The following SLCO6A1 variants were observed in gnomAD, a reference collection of about 807,000 sequenced individuals.
SLCO6A1 encodes the protein cancer/testis antigen 48.
Under a neutral mutation model 72.7 loss-of-function variants are expected in SLCO6A1, and 65 were observed. The ratio of observed to expected loss-of-function variants is 0.89; its 90% CI spans 0.73 to 1.10. SLCO6A1 has a LOEUF of 1.10. SLCO6A1 is among the 50% of genes least tolerant of loss of function. The pLI, the probability that SLCO6A1 is intolerant of heterozygous loss-of-function variation, is 0.00. For synonymous variants in SLCO6A1, 314 were observed against 298.2 expected, an observed-to-expected ratio of 1.05 and a Z score of -0.55; for missense variants, 874 against 872.6, an observed-to-expected ratio of 1.00 and a Z score of -0.02.
intron 5 of SLCO6A1, 64 bp downstream of exon 5, chr5:102,459,592 G>C: frequency 6.8e-7 from 1 of 1,474,568 alleles, no homozygotes; most frequent in Non-Finnish European, 9.0e-7. Context: ...CATTCTATGA[G>C]AATAAGAACC....
At chr5:102,488,744 T>G (rs1752547986) in intron 1 of SLCO6A1, among the ~76,000 whole-genome samples, 1 of 152,210 alleles carries the variant, frequency 6.6e-6, no homozygotes, top group Non-Finnish European at 1.5e-5. Flanking sequence ...ATATTTGCAC[T>G]GGCAACAAGG....
chr5:102,498,560 G>T lies in SLCO6A1; in HGVS notation c.285C>A (p.Val95=). The T allele has an allele frequency of 6.2e-7, 1 of 1,614,230 alleles. No individual in the cohort carries two copies. Among genetic ancestry groups the T allele is most frequent in the South Asian group, 1.1e-5 (1 of 91,082 alleles). The change falls in exon 1 of 14, where the codon GTC becomes GTA. Residue 95 remains valine, a synonymous_variant. Transcript: ENST00000506729. ...LEQPCGLGCL[V]STCCECCNNI... ...TATTGCAACACTCACAGCAGGTGCT[G>T]ACTAAGCAGCCCAAACCACAGGGCT...
rs764665477 is a variant in SLCO6A1 at position 102,480,151 on chromosome 5, T to C, written c.616+26A>G. 7.7e-6 allele frequency: 12 copies of C among 1,567,994 alleles called. No homozygotes were observed. In the African/African-American group the frequency reaches 8.2e-5, roughly 11 times the overall value. On this transcript the variant is annotated intron_variant, in intron 2 of 13. Transcript: ENST00000506729. ...GGTTTGAATGAATATTGATTTGATG[T>C]ATGACAGTATATTTTAAAACCTTAC...
At chr5:102,450,368 T>C (rs1425354312) in intron 6 of SLCO6A1, among the ~76,000 whole-genome samples, 2 of 152,244 alleles carry the variant, frequency 1.3e-5, no homozygotes, top group Admixed American at 1.3e-4. Flanking sequence ...AGAATTCCTG[T>C]GCTTGGTTTC....
intron 9 of SLCO6A1, among the ~76,000 whole-genome samples, chr5:102,402,870 A>G (rs1490028114): frequency 6.6e-6 from 1 of 152,148 alleles, no homozygotes; most frequent in East Asian, 1.9e-4. Flanking sequence ...ACTTTTGCAA[A>G]TGGCTTGCAA....
At chr5:102,394,668 C>A (rs938072404) in intron 10 of SLCO6A1, among the ~76,000 whole-genome samples, 1 of 151,706 alleles carries the variant, frequency 6.6e-6, no homozygotes, top group African/African-American at 2.4e-5. Context: ...TCTATGTTTA[C>A]ATGAAAAAAG....
intron 2 of SLCO6A1, 87 bp from the exon 3 acceptor site, chr5:102,477,948 G>A (rs1475197608): frequency 1.5e-6 from 2 of 1,296,112 alleles, no homozygotes; most frequent in African/African-American, 3.0e-5. Flanking sequence ...TATTTTACAA[G>A]CTATTTCCAA....
Position 102,498,653 on chromosome 5 carries a change from G to A in SLCO6A1, c.192C>T (p.Phe64=), listed in dbSNP as rs773316371. 1 of 1,614,164 alleles carries A rather than the reference G, an allele frequency of 6.2e-7. No individual in the cohort carries two copies. Among genetic ancestry groups the A allele is most frequent in the Non-Finnish European group, 8.5e-7 (1 of 1,180,008 alleles). The change falls in exon 1 of 14, where the codon TTC becomes TTT. Residue 64 remains phenylalanine (F), a synonymous_variant. Coordinates refer to ENST00000506729, the MANE Select transcript of SLCO6A1 (RefSeq NM_173488.5). ...LPEALIRFGG[F]RKRKKAKSSV... ...AGGACTTGGCTTTTTTCCTTTTTCG[G>A]AAACCGCCGAACCTTATCAAGGCCT...
intron 8 of SLCO6A1, 88 bp from the exon 9 acceptor site, chr5:102,413,231 T>C: frequency 6.3e-6 from 8 of 1,270,784 alleles, no homozygotes; most frequent in Non-Finnish European, 8.6e-6. Flanking sequence ...ATCCATAAAA[T>C]ATGCTTATTG....
chr5:102,467,567 C>G (rs2134454), intron 4 of SLCO6A1, among the ~76,000 whole-genome samples: 96,817 of 151,972 alleles, frequency 0.64, 31,026 homozygotes, highest in African/African-American at 0.66. Flanking sequence ...CTTGGCCCTG[C>G]CCTTATCATG....
chr5:102,382,377 A>C (rs1398604648), intron 12 of SLCO6A1, among the ~76,000 whole-genome samples: 2 of 151,834 alleles, frequency 1.3e-5, no homozygotes, highest in Non-Finnish European at 3.0e-5. Flanking sequence ...TGTTTTGGTT[A>C]CTATAGCTTT....
rs1231592690 is a variant in SLCO6A1 at position 102,459,768 on chromosome 5, G to A, written c.909C>T (p.Val303=). Residue 303 remains valine, a synonymous_variant, in exon 5 of 14, where the codon GTC becomes GTT. Coordinates refer to ENST00000506729, the MANE Select transcript of SLCO6A1 (RefSeq NM_173488.5). ...ENTTSATNTT[V]NNGSPEWLWT... ...ATAGCCATTCTGGACTACCATTATT[G>A]ACTGTAGTGCTTTAATAAAGAAAAG... 1 of 1,575,058 alleles carries A rather than the reference G, an allele frequency of 6.3e-7. No individual in the cohort carries two copies. The highest frequency in any genetic ancestry group is 8.6e-7 in the Non-Finnish European group (1 of 1,164,408).
At chr5:102,389,947 C>T (rs1210325963) in intron 11 of SLCO6A1, among the ~76,000 whole-genome samples, 1 of 151,996 alleles carries the variant, frequency 6.6e-6, no homozygotes, top group Non-Finnish European at 1.5e-5. Context: ...GTTATATTGC[C>T]AAGGCTGGTC....
chr5:102,419,931 C>T lies in SLCO6A1; in HGVS notation c.1367G>A (p.Arg456Lys). Residue 456 changes from arginine (R) to lysine (K), a missense_variant, in exon 8 of 14, where the codon AGA (arginine) becomes AAA (lysine). Arg to Lys is a conservative substitution (Grantham distance 26, BLOSUM62 2). Coordinates refer to ENST00000506729, the MANE Select transcript of SLCO6A1 (RefSeq NM_173488.5). Reference protein sequence around the residue: ...TLEMSCKALMRFIMVTSVISL... With the variant: ...TLEMSCKALMKFIMVTSVISL... ...TATCACAGATGTAACCATTATAAAT[C>T]TCATAAGGGCTTTACAAGACATTTC... The T allele has an allele frequency of 6.2e-7, 1 of 1,608,600 alleles. No individual in the cohort carries two copies.
chr5:102,405,907 G>T (rs1477312075), intron 9 of SLCO6A1, among the ~76,000 whole-genome samples: 6 of 151,876 alleles, frequency 4.0e-5, no homozygotes, highest in Admixed American at 3.9e-4. Context: ...AAAAGTAAAG[G>T]TACATATATG....
chr5:102,498,183 T>C (rs1351661524), intron 1 of SLCO6A1, among the ~76,000 whole-genome samples: 1 of 151,070 alleles, frequency 6.6e-6, no homozygotes, highest in East Asian at 1.9e-4. Flanking sequence ...CTGGAGAGAC[T>C]GATTTGAGCA....
intron 10 of SLCO6A1, among the ~76,000 whole-genome samples, chr5:102,392,946 C>A (rs1746848260): frequency 6.6e-6 from 1 of 152,042 alleles, no homozygotes; most frequent in South Asian, 2.1e-4. Context: ...AATAAAAAAA[C>A]ATGGAACATT....
At chr5:102,433,887 G>A (rs545406797) in intron 7 of SLCO6A1, among the ~76,000 whole-genome samples, 22 of 152,128 alleles carry the variant, frequency 1.4e-4, no homozygotes, top group South Asian at 2.1e-4. Flanking sequence ...TTGAGTTGTC[G>A]TAGTTCTTGT....
At chr5:102,392,023 G>A (rs115770935) in intron 10 of SLCO6A1, among the ~76,000 whole-genome samples, 2,416 of 151,942 alleles carry the variant, frequency 0.016, 61 homozygotes, top group African/African-American at 0.055. Flanking sequence ...CATTATTAAT[G>A]GGCATTTTAA....
Sources: gnomAD v4.1 joint callset for allele counts (sites outside exome capture counted in the v4.1 genomes callset) on GRCh38, gnomAD v4.1.1 for gene constraint, MANE v1.5 for transcripts, NCBI Gene and HGNC (gene_info 2026-07-23, HGNC 2026-07-21) for gene names.